The following SRC variants were observed in gnomAD, a reference collection of about 807,000 sequenced individuals.
SRC encodes the protein proto-oncogene tyrosine-protein kinase Src.
SRC carries 13 observed loss-of-function variants against 62.9 expected under a neutral mutation model. That is an observed-to-expected ratio of 0.21 (90% CI 0.13 to 0.33). SRC has a LOEUF of 0.33. SRC is among the 10% of genes least tolerant of loss of function. The probability of loss-of-function intolerance (pLI) is 1.00; values close to 1 mark genes in which losing one functional copy is unlikely to be tolerated. For synonymous variants in SRC, 302 were observed against 317.5 expected, an observed-to-expected ratio of 0.95 and a Z score of 0.52; for missense variants, 457 against 737.3, an observed-to-expected ratio of 0.62 and a Z score of 4.40.
Position 37,397,464 on chromosome 20 carries a change from C to A in SRC, c.704-235C>A, listed in dbSNP as rs964979341. ...CCCTCCCCGCAGGGTTCCTGGCACC[C>A]CCTACTGTCTGCTGAATGACTGACT... On this transcript the variant is annotated intron_variant, in intron 8 of 13. Coordinates refer to ENST00000373578, the MANE Select transcript of SRC (RefSeq NM_198291.3). This position sits in a 1 kb window ranked among gnomAD's most constrained non-coding sequence, Gnocchi z 4.1. 6.6e-6 allele frequency among the ~76,000 whole-genome samples: 1 copy of A among 152,196 alleles called. No individual in the cohort carries two copies. Among genetic ancestry groups the A allele is most frequent in the Non-Finnish European group, 1.5e-5 (1 of 68,032 alleles).
In SRC at chr20:37,402,219, T is replaced by TCTGCCCTCTGCCC; in HGVS notation, c.1117-216_1117-215insCTGCCCTCTGCCC. The TCTGCCCTCTGCCC allele has an allele frequency of 1.9e-6, 1 of 538,552 alleles. No homozygotes were observed. Among genetic ancestry groups the TCTGCCCTCTGCCC allele is most frequent in the East Asian group, 3.2e-5 (1 of 31,178 alleles). The allele number at this position is 538,552 out of a possible 1,614,324, so 33.4% of individuals were successfully genotyped here. A position where few individuals can be genotyped will look rare whatever the true frequency, so the allele number is the denominator to read the frequency against. On this transcript the variant is annotated intron_variant, in intron 11 of 13. Transcript: ENST00000373578. This position sits in a 1 kb window ranked among gnomAD's most constrained non-coding sequence, Gnocchi z 6.2. ...TCGTGCCTCCCCTTTGACCTTTGCC[T>TCTGCCCTCTGCCC]TCTGCCCTCTGCTCTGTGCCCTGTG...
intron 3 of SRC, chr20:37,383,716 T>A (rs1371940240): frequency 6.0e-6 from 1 of 166,508 alleles, no homozygotes; most frequent in East Asian, 1.9e-4. Flanking sequence ...GGTGCCCCTG[T>A]CCCCCATTTT....
At chr20:37,395,598 A>G (rs2070631954) in intron 7 of SRC, among the ~76,000 whole-genome samples, 1 of 152,224 alleles carries the variant, frequency 6.6e-6, no homozygotes, top group South Asian at 2.1e-4. Flanking sequence ...CCTGCCCACG[A>G]CGGCCAAAGC....
At chr20:37,370,624 T>C (rs555198717) in intron 2 of SRC, among the ~76,000 whole-genome samples, 4 of 152,250 alleles carry the variant, frequency 2.6e-5, no homozygotes. Flanking sequence ...TCTTACTTGG[T>C]CATGGCATCT....
chr20:37,373,017 T>TATATATACAC (rs769839016), intron 2 of SRC, among the ~76,000 whole-genome samples: 2 of 152,006 alleles, frequency 1.3e-5, no homozygotes, highest in Admixed American at 1.3e-4. Context: ...CCTTTATGCA[T>TATATATACAC]ATATATACAC....
rs2070109438 is a variant in SRC, at chr20:37,368,557, T to G, written c.-173+3280T>G. Among the ~76,000 whole-genome samples, 182 of 130,380 alleles carry G rather than the reference T, an allele frequency of 1.4e-3. 1 individual carries two copies. Among genetic ancestry groups the G allele is most frequent in the African/African-American group, 3.5e-3 (119 of 33,886 alleles). 85.5% of individuals were successfully genotyped at this position (130,380 alleles called of 152,430 possible). On this transcript the variant is annotated intron_variant, in intron 2 of 13. Coordinates refer to ENST00000373578, the MANE Select transcript of SRC (RefSeq NM_198291.3). ...TTTTTTTTTTTTGTTTTTTTTTTTT[T>G]TGTTTTTTTTTTTGAGACGGAGTCT...
At chr20:37,401,783 C>A in intron 11 of SRC, 105 bp downstream of exon 11, 1 of 721,084 alleles carries the variant, frequency 1.4e-6, no homozygotes, top group Non-Finnish European at 2.2e-6. Context: ...AAGAAGCCTG[C>A]CTTGATTGCC....
In SRC at chr20:37,386,059, C is replaced by A. The variant is rs1438197610; in HGVS notation, c.251-16C>A. ...TGTGGCCCCACTGTTCTGACACACCCCACCCCTCTCTGCAGGTGGAGTGAC... is the reference window on the plus strand; with the variant it reads ...TGTGGCCCCACTGTTCTGACACACCACACCCCTCTCTGCAGGTGGAGTGAC... On this transcript the variant is annotated splice_polypyrimidine_tract_variant and intron_variant, in intron 4 of 13. Coordinates refer to ENST00000373578, the MANE Select transcript of SRC (RefSeq NM_198291.3). 3.1e-6 allele frequency: 5 copies of A among 1,604,486 alleles called. No homozygotes were observed. The highest frequency in any genetic ancestry group is 4.3e-6 in the Non-Finnish European group (5 of 1,171,320).
chr20:37,366,016 C>T (rs530877025), intron 2 of SRC, among the ~76,000 whole-genome samples: 3 of 152,120 alleles, frequency 2.0e-5, no homozygotes, highest in South Asian at 2.1e-4. Flanking sequence ...TTCATGGTTG[C>T]GTAGTATTCC....
intron 1 of SRC, among the ~76,000 whole-genome samples, chr20:37,350,440 TA>T (rs2069785193): frequency 1.3e-5 from 2 of 152,146 alleles, no homozygotes. Context: ...TTGTACCTGG[TA>T]AGGCTAACAA....
Position 37,402,510 on chromosome 20 carries a change from G to A in SRC, c.1192G>A (p.Gly398Arg), listed in dbSNP as rs2147124897. The A allele has an allele frequency of 6.2e-7, 1 of 1,614,100 alleles. No homozygotes were observed. Residue 398 changes from glycine to arginine, a missense_variant, in exon 12 of 14, where the codon GGA (glycine) becomes AGA (arginine). Gly to Arg is a moderately radical substitution (Grantham distance 125, BLOSUM62 -2). Around this residue, in one of 4 missense-constraint regions of SRC, gnomAD observed 168 missense variants for 357.8 expected, o/e 0.47. Transcript: ENST00000373578. The surrounding 1 kb of genome is among the most constrained non-coding windows in gnomAD (Gnocchi z 6.2). ...RDLRAANILV[G>R]ENLVCKVADF... The stretch of plus-strand genomic sequence containing the variant: ...CCTTCGTGCAGCCAACATCCTGGTG[G>A]GAGAGAACCTGGTGTGCAAAGTGGC...
intron 1 of SRC, among the ~76,000 whole-genome samples, chr20:37,349,654 T>C (rs2069772599): frequency 6.6e-6 from 1 of 152,220 alleles, no homozygotes. Flanking sequence ...TCTCTGGGTC[T>C]GGCCCTGCTA....
chr20:37,401,579 G>A, intron 10 of SRC, 23 bp from the exon 11 acceptor site: 1 of 1,594,210 alleles, frequency 6.3e-7, no homozygotes, highest in Non-Finnish European at 8.6e-7. Context: ...GCAGGAGCTG[G>A]AGCTGGGTCT....
chr20:37,355,262 C>T lies in SRC; in HGVS notation c.-247+9007C>T, dbSNP rs1238925456. ...CCACCCCCACCCCGCCAGGTGTTCCCGAAGGCCCCGGAACCAGATGAGACA... is the reference window on the plus strand; with the variant it reads ...CCACCCCCACCCCGCCAGGTGTTCCTGAAGGCCCCGGAACCAGATGAGACA... On this transcript the variant is annotated intron_variant, in intron 1 of 13. Coordinates refer to ENST00000373578, the MANE Select transcript of SRC (RefSeq NM_198291.3). Among the ~76,000 whole-genome samples the T allele has an allele frequency of 3.3e-5, 5 of 151,632 alleles. No individual in the cohort carries two copies. In the East Asian group the frequency reaches 9.7e-4, roughly 29 times the overall value.
rs567886623 is a variant in SRC, at chr20:37,384,526, T to A, written c.250+123T>A. 1,627 of 763,366 alleles carry A rather than the reference T, an allele frequency of 2.1e-3. 19 individuals carry two copies. In the African/African-American group the frequency reaches 0.034, roughly 16 times the overall value. The allele number at this position is 763,366 out of a possible 1,614,324, so 47.3% of individuals were successfully genotyped here. A position where few individuals can be genotyped will look rare whatever the true frequency, so the allele number is the denominator to read the frequency against. On this transcript the variant is annotated intron_variant, in intron 4 of 13. Transcript: ENST00000373578. This position sits in a 1 kb window ranked among gnomAD's most constrained non-coding sequence, Gnocchi z 6.7. ...TTCCTCTCGCCAGGGGTAGCGCCCC[T>A]GGGTGACTTGGGTGTCCGGGGGGTG...
intron 7 of SRC, among the ~76,000 whole-genome samples, chr20:37,395,599 C>A (rs117360333): frequency 6.6e-6 from 1 of 152,248 alleles, no homozygotes; most frequent in Non-Finnish European, 1.5e-5. Flanking sequence ...CTGCCCACGA[C>A]GGCCAAAGCC....
rs746843013 is a variant in SRC at position 37,397,104 on chromosome 20, C to A, written c.704-595C>A. On this transcript the variant is annotated intron_variant, in intron 8 of 13. Coordinates refer to ENST00000373578, the MANE Select transcript of SRC (RefSeq NM_198291.3). The surrounding 1 kb of genome is among the most constrained non-coding windows in gnomAD (Gnocchi z 4.1). ...CCCACCGGCCCCTGAGTGGTCTAAT[C>A]CTAACTGCCTCCCCACCTCCGCCTG... Among the ~76,000 whole-genome samples the A allele has an allele frequency of 6.6e-6, 1 of 152,146 alleles. No individual in the cohort carries two copies. Among genetic ancestry groups the A allele is most frequent in the Non-Finnish European group, 1.5e-5 (1 of 68,016 alleles).
chr20:37,346,274 T>G lies in SRC; in HGVS notation c.-247+19T>G, dbSNP rs1600943123. 2 of 127,096 alleles carry G rather than the reference T, an allele frequency of 1.6e-5. No homozygotes were observed. The highest frequency in any genetic ancestry group is 2.6e-4 in the East Asian group (1 of 3,860). 7.9% of individuals were successfully genotyped at this position (127,096 alleles called of 1,614,324 possible). Reference sequence around the variant, plus strand: ...GGCCCAGGTGAGCGCCCCCCGCCCCTCCGCGGACCCCCCGCCCCGGCCAGC... The same window carrying G: ...GGCCCAGGTGAGCGCCCCCCGCCCCGCCGCGGACCCCCCGCCCCGGCCAGC... On this transcript the variant is annotated intron_variant, in intron 1 of 13. Transcript: ENST00000373578.
At chr20:37,369,325 T>C (rs565983956) in intron 2 of SRC, among the ~76,000 whole-genome samples, 51 of 152,338 alleles carry the variant, frequency 3.3e-4, no homozygotes, top group African/African-American at 7.7e-4. Context: ...TCCATTTCTT[T>C]CAAAATTTTT....
Sources: gnomAD v4.1 joint callset for allele counts (sites outside exome capture counted in the v4.1 genomes callset) on GRCh38, gnomAD v4.1.1 for gene constraint, gnomAD v4.1.1 regional missense constraint, Gnocchi (gnomAD v3.1) non-coding constraint, MANE v1.5 for transcripts, NCBI Gene and HGNC (gene_info 2026-07-23, HGNC 2026-07-21) for gene names.